KITLG: variants seen among roughly 807,000 people sequenced by gnomAD.
KITLG encodes c-Kit ligand.
A neutral mutation model predicts 34.1 loss-of-function variants in KITLG; 13 were observed. That is an observed-to-expected ratio of 0.38 (90% confidence interval 0.25 to 0.61). KITLG has a LOEUF of 0.61. Among genes scored for constraint, KITLG ranks in the 20% least tolerant of loss-of-function variants. The pLI is 0.60. For missense variants in KITLG, 292 were observed against 318.9 expected (o/e 0.92, Z 0.64); for synonymous variants, 110 against 104.0 (o/e 1.06, Z -0.35).
Position 88,522,131 on chromosome 12 carries a change from G to A in KITLG, c.193-3264C>T, listed in dbSNP as rs2120853436. On this transcript the variant is annotated intron_variant, in intron 3 of 9. Coordinates refer to ENST00000644744, the MANE Select transcript of KITLG (RefSeq NM_000899.5). The stretch of plus-strand genomic sequence containing the variant: ...GTATTCTAAACATAACTAGGAATAT[G>A]ACTGTTTCCAAAGACCAACAACAGA... Among the ~76,000 whole-genome samples the A allele has an allele frequency of 1.3e-5, 2 of 152,236 alleles. 1 individual carries two copies. Among genetic ancestry groups the A allele is most frequent in the South Asian group, 4.1e-4 (2 of 4,822 alleles).
At chr12:88,533,631 A>G (rs910227442) in intron 2 of KITLG, among the ~76,000 whole-genome samples, 2 of 152,172 alleles carry the variant, frequency 1.3e-5, no homozygotes, top group Non-Finnish European at 2.9e-5. Flanking sequence ...GTAGTTTTGC[A>G]CCATTACATC....
chr12:88,502,488 A>C (rs537351576), intron 9 of KITLG, among the ~76,000 whole-genome samples: 1 of 152,330 alleles, frequency 6.6e-6, no homozygotes, highest in Admixed American at 6.5e-5. Context: ...TCAGTCTCTC[A>C]TTCAACAAAC....
At chr12:88,519,037 T>G (rs191135404) in intron 3 of KITLG, among the ~76,000 whole-genome samples, 170 bp from the exon 4 acceptor site, 1 of 152,238 alleles carries the variant, frequency 6.6e-6, no homozygotes, top group East Asian at 1.9e-4. Context: ...TACTTTTTTA[T>G]TTTTAGTAGA....
chr12:88,516,893 G>A (rs942390807), intron 4 of KITLG, among the ~76,000 whole-genome samples: 3 of 146,772 alleles, frequency 2.0e-5, no homozygotes, highest in African/African-American at 7.5e-5. Flanking sequence ...CCAAAAATTA[G>A]AAAGTCAGAT....
chr12:88,507,131 G>A lies in KITLG; in HGVS notation c.611C>T (p.Ala204Val). Residue 204 changes from alanine (A) to valine (V), a missense_variant, in exon 7 of 10, where the codon GCC becomes GTC. Transcript: ENST00000644744. ...GCTGGAGTCTCCAGGGGGATTTTTG[G>A]CCTTCCCTATAATTTAAAGAACACA... Reference protein sequence around the residue: ...RNDSSSSNRKAKNPPGDSSLH... With the variant: ...RNDSSSSNRKVKNPPGDSSLH... The A allele has an allele frequency of 6.2e-7, 1 of 1,604,912 alleles. No homozygotes were observed. The highest frequency in any genetic ancestry group is 2.2e-5 in the East Asian group (1 of 44,786).
chr12:88,535,079 C>T lies in KITLG; in HGVS notation c.130-2576G>A, dbSNP rs962482166. On this transcript the variant is annotated intron_variant, in intron 2 of 9. Coordinates refer to ENST00000644744, the MANE Select transcript of KITLG (RefSeq NM_000899.5). ...ATATTATTTTAAAAATACAAAAATA[C>T]AATCAACTAGATTAGTATTTAGAAA... is the stretch of plus-strand genomic sequence containing the variant. 5.3e-5 allele frequency among the ~76,000 whole-genome samples: 8 copies of T among 152,174 alleles called. No homozygotes were observed. The East Asian group carries it at 1.5e-3, about 29-fold the overall frequency.
chr12:88,542,982 G>A (rs1870575590), intron 2 of KITLG, among the ~76,000 whole-genome samples: 1 of 152,150 alleles, frequency 6.6e-6, no homozygotes. Context: ...TCTAAACAAT[G>A]ACAGAAGAGA....
intron 1 of KITLG, among the ~76,000 whole-genome samples, chr12:88,559,556 T>G (rs1871227978): frequency 6.6e-6 from 1 of 152,108 alleles, no homozygotes. Flanking sequence ...TATCCCAGGT[T>G]TCAATCAGGC....
intron 3 of KITLG, among the ~76,000 whole-genome samples, chr12:88,529,667 T>C (rs1870006738): frequency 6.6e-6 from 1 of 152,198 alleles, no homozygotes; most frequent in Non-Finnish European, 1.5e-5. Flanking sequence ...TTGGCACCCA[T>C]TCCCACTCCA....
chr12:88,515,691 T>A, intron 5 of KITLG, 74 bp from the exon 6 acceptor site: 1 of 1,084,972 alleles, frequency 9.2e-7, no homozygotes, highest in Non-Finnish European at 1.4e-6. Flanking sequence ...AAAGGTGAAG[T>A]GCAATACCAG....
intron 3 of KITLG, among the ~76,000 whole-genome samples, chr12:88,520,020 G>T (rs905192300): frequency 2.0e-5 from 3 of 152,142 alleles, no homozygotes; most frequent in African/African-American, 7.2e-5. Context: ...AAGGAAGCAG[G>T]TTTATCTGCA....
In KITLG at chr12:88,580,444, A is replaced by G. The variant is rs1381902017; in HGVS notation, c.-166T>C. Reference sequence around the variant, plus strand: ...TGTCCCTGCTTCCCGCAGCGCTTCTAGTCTCGGCGCGAGGCGGCGAGCGAA... The same window carrying G: ...TGTCCCTGCTTCCCGCAGCGCTTCTGGTCTCGGCGCGAGGCGGCGAGCGAA... On this transcript the variant is annotated 5_prime_UTR_variant, in exon 1 of 10. Coordinates refer to ENST00000644744, the MANE Select transcript of KITLG (RefSeq NM_000899.5). 1.2e-6 allele frequency: 1 copy of G among 840,950 alleles called. No homozygotes were observed. Among genetic ancestry groups the G allele is most frequent in the Non-Finnish European group, 1.9e-6 (1 of 528,742 alleles). The allele number at this position is 840,950 out of a possible 1,614,324, so 52.1% of individuals were successfully genotyped here.
chr12:88,552,026 C>A (rs1444246639), intron 1 of KITLG, among the ~76,000 whole-genome samples: 1 of 151,884 alleles, frequency 6.6e-6, no homozygotes, highest in Non-Finnish European at 1.5e-5. Flanking sequence ...GAGAAGGGAC[C>A]AAGAGTCAAG....
intron 1 of KITLG, among the ~76,000 whole-genome samples, chr12:88,553,734 A>G (rs1871003564): frequency 6.6e-6 from 1 of 152,328 alleles, no homozygotes; most frequent in East Asian, 1.9e-4. Context: ...AGGAAAAAAA[A>G]TAATGAGAAA....
At chr12:88,535,207 A>C (rs551768112) in intron 2 of KITLG, among the ~76,000 whole-genome samples, 1 of 152,318 alleles carries the variant, frequency 6.6e-6, no homozygotes, top group Non-Finnish European at 1.5e-5. Context: ...GGTTCAAAGA[A>C]GGCTTATAGG....
At chr12:88,573,713 C>A (rs1871733450) in intron 1 of KITLG, among the ~76,000 whole-genome samples, 1 of 152,220 alleles carries the variant, frequency 6.6e-6, no homozygotes, top group Non-Finnish European at 1.5e-5. Flanking sequence ...CCAACCTGTG[C>A]TCTTTCTTCC....
intron 1 of KITLG, among the ~76,000 whole-genome samples, chr12:88,575,428 T>C (rs1029706619): frequency 6.6e-6 from 1 of 152,146 alleles, no homozygotes; most frequent in Non-Finnish European, 1.5e-5. Context: ...CCCACCTCTT[T>C]TTTCTATAGA....
chr12:88,557,487 T>C (rs1228748836), intron 1 of KITLG, among the ~76,000 whole-genome samples: 1 of 152,190 alleles, frequency 6.6e-6, no homozygotes, highest in Non-Finnish European at 1.5e-5. Flanking sequence ...ATCCACTTAA[T>C]TTTAAGGAGA....
At position 88,529,310 on chromosome 12, in the gene KITLG, G is replaced by A. The variant is rs1385420307; in HGVS notation, c.192+3131C>T. Among the ~76,000 whole-genome samples, 4 of 152,132 alleles carry A rather than the reference G, an allele frequency of 2.6e-5. No individual in the cohort carries two copies. In the East Asian group the frequency reaches 7.7e-4, roughly 29 times the overall value. ...TTCTACAATAACATTACCAGTAAAT[G>A]TAAAAGACCAGAAATATCCAGGTAT... is the stretch of plus-strand genomic sequence containing the variant. On this transcript the variant is annotated intron_variant, in intron 3 of 9. Coordinates refer to ENST00000644744, the MANE Select transcript of KITLG (RefSeq NM_000899.5).
Sources: allele counts gnomAD v4.1 joint callset (sites outside exome capture counted in the v4.1 genomes callset), GRCh38; gene constraint gnomAD v4.1.1; transcripts MANE v1.5; gene names NCBI Gene and HGNC (gene_info 2026-07-23, HGNC 2026-07-21).